The following SEPTIN9 variants were observed in gnomAD, a reference collection of about 807,000 sequenced individuals.
SEPTIN9 encodes septin 9, also known as septin-9.
Under a neutral mutation model 56.6 loss-of-function variants are expected in SEPTIN9, and 13 were observed. That is an observed-to-expected ratio of 0.23 (90% confidence interval 0.15 to 0.37). The LOEUF (loss-of-function observed/expected upper bound fraction) is 0.37, where lower values mean the gene tolerates loss of function less well. SEPTIN9 is among the 10% of genes least tolerant of loss of function. The pLI is 1.00. For synonymous variants in SEPTIN9, 332 were observed against 334.1 expected, an observed-to-expected ratio of 0.99 and a Z score of 0.07; for missense variants, 650 against 823.1, an observed-to-expected ratio of 0.79 and a Z score of 2.57.
At chr17:77,366,163 CCTT>C (rs2034565548) in intron 2 of SEPTIN9, among the ~76,000 whole-genome samples, 1 of 152,172 alleles carries the variant, frequency 6.6e-6, no homozygotes, top group Admixed American at 6.5e-5. Context: ...GCTGGCCACT[CCTT>C]CTTGTCCCCT....
rs114897439 is a variant in SEPTIN9 at position 77,435,827 on chromosome 17, C to T, written c.721+33124C>T. 0.012 allele frequency among the ~76,000 whole-genome samples: 1,890 copies of T among 152,350 alleles called. 33 individuals carry two copies. Among genetic ancestry groups the T allele is most frequent in the African/African-American group, 0.043 (1,780 of 41,584 alleles). On this transcript the variant is annotated intron_variant, in intron 3 of 11. Transcript: ENST00000427177. This position sits in a 1 kb window ranked among gnomAD's most constrained non-coding sequence, Gnocchi z 4.5. ...GAATGCAGCAGCGCAAGCTTGCCAG[C>T]GCCGCACTGCGGGATCTGGAGGCCT...
At chr17:77,484,737 T>G (rs2039631855) in intron 4 of SEPTIN9, among the ~76,000 whole-genome samples, 3 of 66,504 alleles carry the variant, frequency 4.5e-5, no homozygotes, top group Admixed American at 3.9e-4. Flanking sequence ...ATTGTGATGG[T>G]GGTGGTGGTG....
chr17:77,373,590 T>G, intron 2 of SEPTIN9: 2 of 1,537,078 alleles, frequency 1.3e-6, no homozygotes, highest in Non-Finnish European at 1.8e-6. Context: ...GCGGACGTGC[T>G]GGAGAGGACC....
chr17:77,358,830 C>G (rs2034332604), intron 2 of SEPTIN9, among the ~76,000 whole-genome samples: 1 of 152,128 alleles, frequency 6.6e-6, no homozygotes. Flanking sequence ...ATGGCCATAC[C>G]TTGAGTTAGT....
At chr17:77,394,080 C>T (rs967434836) in intron 2 of SEPTIN9, among the ~76,000 whole-genome samples, 5 of 152,204 alleles carry the variant, frequency 3.3e-5, no homozygotes, top group Non-Finnish European at 5.9e-5. Context: ...TCCTTGAAGG[C>T]ACACCAGGCC....
At chr17:77,447,775 C>G (rs774051275) in intron 3 of SEPTIN9, among the ~76,000 whole-genome samples, 2 of 152,244 alleles carry the variant, frequency 1.3e-5, no homozygotes, top group Non-Finnish European at 2.9e-5. Context: ...CAGGCACACA[C>G]TACCACGCCT....
rs187117236 is a variant in SEPTIN9 at position 77,475,102 on chromosome 17, A to G, written c.722-7042A>G. 2.3e-6 allele frequency: 1 copy of G among 429,828 alleles called. No homozygotes were observed. The highest frequency in any genetic ancestry group is 6.8e-5 in the East Asian group (1 of 14,752). The allele number at this position is 429,828 out of a possible 1,614,324, so 26.6% of individuals were successfully genotyped here. A position where few individuals can be genotyped will look rare whatever the true frequency, so the allele number is the denominator to read the frequency against. On this transcript the variant is annotated intron_variant, in intron 3 of 11. Transcript: ENST00000427177. The surrounding 1 kb of genome is among the most constrained non-coding windows in gnomAD (Gnocchi z 4.6). ...CTTCATTTGTTCATTCATTCACCAG[A>G]CTTTTTGCCGGGGCTTGCCGTGAGC...
At chr17:77,314,647 C>T (rs1407009510) in intron 2 of SEPTIN9, among the ~76,000 whole-genome samples, 1 of 152,188 alleles carries the variant, frequency 6.6e-6, no homozygotes, top group African/African-American at 2.4e-5. Context: ...AAGATGCGTT[C>T]TCTCCACCTC....
chr17:77,468,683 A>G (rs2038852605), intron 3 of SEPTIN9, among the ~76,000 whole-genome samples: 1 of 152,222 alleles, frequency 6.6e-6, no homozygotes, highest in Admixed American at 6.5e-5. Context: ...CTGGAGCCAC[A>G]GGAATCTGGT....
At chr17:77,348,513 T>C (rs1475538347) in intron 2 of SEPTIN9, among the ~76,000 whole-genome samples, 1 of 152,160 alleles carries the variant, frequency 6.6e-6, no homozygotes, top group Admixed American at 6.5e-5. Context: ...CTGGCCAGGC[T>C]GGCCTCGAAC....
chr17:77,391,319 C>T (rs1166432672), intron 2 of SEPTIN9, among the ~76,000 whole-genome samples: 1 of 152,166 alleles, frequency 6.6e-6, no homozygotes, highest in Admixed American at 6.5e-5. Flanking sequence ...GTTGCTGTAA[C>T]AGAGTGCCAC....
chr17:77,466,492 CAG>C (rs2144535126), intron 3 of SEPTIN9: 12 of 981,322 alleles, frequency 1.2e-5, no homozygotes, highest in Non-Finnish European at 1.5e-5. Context: ...GTGAGCGAGC[CAG>C]GGGTCACTAC....
At chr17:77,478,886 G>T (rs1054484462) in intron 3 of SEPTIN9, among the ~76,000 whole-genome samples, 2 of 152,038 alleles carry the variant, frequency 1.3e-5, no homozygotes, top group African/African-American at 4.8e-5. Context: ...CAACAGCAAG[G>T]GTGAACCTTT....
At chr17:77,481,399 A>G (rs547701910) in intron 3 of SEPTIN9, among the ~76,000 whole-genome samples, 3 of 127,754 alleles carry the variant, frequency 2.3e-5, no homozygotes, top group African/African-American at 5.7e-5. Flanking sequence ...GATGTGGTGC[A>G]GGGGCCCCCC....
chr17:77,295,410 T>C (rs1015334770), intron 1 of SEPTIN9, among the ~76,000 whole-genome samples: 2 of 152,104 alleles, frequency 1.3e-5, no homozygotes, highest in Non-Finnish European at 2.9e-5. Flanking sequence ...GGTGGGACTC[T>C]GGCAGGAGCT....
chr17:77,465,746 G>A (rs405291), intron 3 of SEPTIN9, among the ~76,000 whole-genome samples: 1 of 152,022 alleles, frequency 6.6e-6, no homozygotes, highest in Non-Finnish European at 1.5e-5. Flanking sequence ...CAAAGTTCGA[G>A]TGTCTTTTCT....
At position 77,286,901 on chromosome 17, in the gene SEPTIN9, C is replaced by T. The variant is rs538119652; in HGVS notation, c.19+5347C>T. Among the ~76,000 whole-genome samples, 44 of 152,258 alleles carry T rather than the reference C, an allele frequency of 2.9e-4. 1 individual carries two copies. The highest frequency in any genetic ancestry group is 1.1e-3 in the Admixed American group (17 of 15,308). ...AGGGGTGTGAACCTTTGGGGTGAGG[C>T]GGGAAGTGACGCGCTGGGTTCCTGC... On this transcript the variant is annotated intron_variant, in intron 1 of 11. Transcript: ENST00000427177.
intron 3 of SEPTIN9, among the ~76,000 whole-genome samples, chr17:77,411,826 T>C (rs1199824244): frequency 6.6e-6 from 1 of 152,084 alleles, no homozygotes; most frequent in Non-Finnish European, 1.5e-5. Context: ...GTGTCAAGGA[T>C]GTGTGCATTT....
chr17:77,347,798 A>G (rs2033934120), intron 2 of SEPTIN9, among the ~76,000 whole-genome samples: 1 of 152,088 alleles, frequency 6.6e-6, no homozygotes, highest in South Asian at 2.1e-4. Flanking sequence ...GTATTCAATA[A>G]CTTACATGAG....
Sources: allele counts gnomAD v4.1 joint callset (sites outside exome capture counted in the v4.1 genomes callset), GRCh38; gene constraint gnomAD v4.1.1; non-coding constraint Gnocchi (gnomAD v3.1); transcripts MANE v1.5; gene names NCBI Gene and HGNC (gene_info 2026-07-23, HGNC 2026-07-21).